Variants in DZIP3 observed in about 807,000 individuals in gnomAD.
DZIP3 encodes the protein DAZ interacting zinc finger protein 3.
In DZIP3, 118 loss-of-function variants were observed where a neutral mutation model predicts 162.0. That is an observed-to-expected ratio of 0.73 (90% CI 0.63 to 0.85). The LOEUF is 0.85. Ranked by LOEUF, DZIP3 falls within the 40% of genes least tolerant of loss-of-function variation. The pLI is 0.00. For synonymous variants in DZIP3, 438 were observed against 458.6 expected (o/e 0.96, Z 0.57); for missense variants, 1,331 against 1,407.0 (o/e 0.95, Z 0.86).
intron 1 of DZIP3, among the ~76,000 whole-genome samples, chr3:108,592,939 G>T (rs192565718): frequency 1.2e-4 from 19 of 152,142 alleles, no homozygotes; most frequent in Non-Finnish European, 8.8e-5. Flanking sequence ...CCAAAATATG[G>T]AAAATCATGT....
At chr3:108,654,808 G>C (rs1488060906) in intron 19 of DZIP3, among the ~76,000 whole-genome samples, 8 of 152,012 alleles carry the variant, frequency 5.3e-5, no homozygotes, top group African/African-American at 1.7e-4. Context: ...TATATGTGAA[G>C]AGGCATGTGA....
intron 6 of DZIP3, 121 bp from the exon 7 acceptor site, chr3:108,625,724 C>A (rs1576377260): frequency 2.1e-6 from 2 of 952,576 alleles, no homozygotes; most frequent in East Asian, 5.6e-5. Context: ...GAATAAATGA[C>A]CAGATGATTG....
intron 26 of DZIP3, among the ~76,000 whole-genome samples, chr3:108,681,132 A>C (rs1944289976): frequency 6.6e-6 from 1 of 152,232 alleles, no homozygotes; most frequent in African/African-American, 2.4e-5. Flanking sequence ...GCACAGCATC[A>C]GAGTGAACAG....
intron 5 of DZIP3, among the ~76,000 whole-genome samples, chr3:108,619,975 G>T (rs1941239753): frequency 6.6e-6 from 1 of 151,732 alleles, no homozygotes; most frequent in Non-Finnish European, 1.5e-5. Context: ...CCACCCTCAT[G>T]TTCAGAGATT....
At chr3:108,632,457 C>G (rs967445483) in intron 8 of DZIP3, among the ~76,000 whole-genome samples, 1 of 152,124 alleles carries the variant, frequency 6.6e-6, no homozygotes, top group Non-Finnish European at 1.5e-5. Flanking sequence ...TAACTAAAGA[C>G]ATTGAAAACA....
chr3:108,624,222 T>G (rs553477734), intron 5 of DZIP3, among the ~76,000 whole-genome samples: 1 of 152,338 alleles, frequency 6.6e-6, no homozygotes, highest in South Asian at 2.1e-4. Context: ...GATTAAATTT[T>G]AATGTTTTAT....
chr3:108,618,163 G>A (rs1206459540), intron 5 of DZIP3, among the ~76,000 whole-genome samples: 1 of 152,170 alleles, frequency 6.6e-6, no homozygotes, highest in East Asian at 1.9e-4. Flanking sequence ...TGCTGATGGG[G>A]AGAAGGTAGG....
At chr3:108,684,048 A>G (rs1408539226) in intron 26 of DZIP3, among the ~76,000 whole-genome samples, 168 bp from the exon 27 acceptor site, 1 of 91,000 alleles carries the variant, frequency 1.1e-5, no homozygotes, top group African/African-American at 3.2e-5. Context: ...TCCAATATTC[A>G]TATGTTTCAT....
intron 32 of DZIP3, among the ~76,000 whole-genome samples, chr3:108,692,680 ATTGT>A (rs944380344): frequency 6.6e-5 from 10 of 152,204 alleles, no homozygotes; most frequent in East Asian, 5.8e-4. Flanking sequence ...TTTAAGCTAG[ATTGT>A]TTGGTCCCAT....
At chr3:108,691,046 A>G (rs1944674195) in intron 32 of DZIP3, 143 bp downstream of exon 32, 1 of 623,878 alleles carries the variant, frequency 1.6e-6, no homozygotes, top group East Asian at 2.9e-5. Context: ...AGTCAGGACA[A>G]ATCTTCAGGA....
chr3:108,657,918 T>C (rs373991564), intron 19 of DZIP3, among the ~76,000 whole-genome samples: 39 of 152,142 alleles, frequency 2.6e-4, no homozygotes, highest in African/African-American at 8.9e-4. Context: ...GGTAAAGGGA[T>C]CAATTAAACA....
chr3:108,637,419 G>GT (rs1942206053), intron 11 of DZIP3, 77 bp from the exon 12 acceptor site: 1 of 1,312,718 alleles, frequency 7.6e-7, no homozygotes, highest in African/African-American at 1.5e-5. Context: ...TGTTTCAAAT[G>GT]TTAAGCTAAG....
At chr3:108,637,577 C>CT in intron 12 of DZIP3, 29 bp downstream of exon 12, 5 of 1,585,990 alleles carry the variant, frequency 3.2e-6, no homozygotes, top group Non-Finnish European at 4.3e-6. Flanking sequence ...ACTCTGTTAC[C>CT]TTTTTTGGAA....
chr3:108,675,218 G>A (rs1205966222), intron 24 of DZIP3, among the ~76,000 whole-genome samples: 1 of 151,888 alleles, frequency 6.6e-6, no homozygotes, highest in Non-Finnish European at 1.5e-5. Context: ...AAGTCATTTG[G>A]TAGGCATGAG....
At chr3:108,665,533 TGAGA>T (rs61167248) in intron 21 of DZIP3, among the ~76,000 whole-genome samples, 3 of 152,138 alleles carry the variant, frequency 2.0e-5, no homozygotes, top group Admixed American at 6.5e-5. Context: ...GAGAGCAGAA[TGAGA>T]GAGAGACTGA....
intron 1 of DZIP3, among the ~76,000 whole-genome samples, chr3:108,592,740 TTTTATGTTCAGTGAG>T (rs1460159273): frequency 2.3e-4 from 35 of 151,956 alleles, no homozygotes; most frequent in Admixed American, 9.2e-4. Context: ...TCAGGTTATA[TTTTATGTTCAGTGAG>T]ATTTTATATA....
intron 18 of DZIP3, 47 bp from the exon 19 acceptor site, chr3:108,654,098 T>C: frequency 6.3e-7 from 1 of 1,586,246 alleles, no homozygotes; most frequent in Non-Finnish European, 8.6e-7. Flanking sequence ...TAGATGAAAA[T>C]TACTATACAA....
chr3:108,676,527 G>C (rs1421835070), intron 25 of DZIP3, among the ~76,000 whole-genome samples: 1 of 151,788 alleles, frequency 6.6e-6, no homozygotes, highest in African/African-American at 2.4e-5. Flanking sequence ...TTTATTAATT[G>C]ATTTTGTTTT....
At chr3:108,628,362 A>G (rs1941681314) in intron 7 of DZIP3, among the ~76,000 whole-genome samples, 1 of 152,180 alleles carries the variant, frequency 6.6e-6, no homozygotes, top group African/African-American at 2.4e-5. Context: ...TCACCTAAAT[A>G]TCCCCATTTT....
Sources: allele counts gnomAD v4.1 joint callset (sites outside exome capture counted in the v4.1 genomes callset), GRCh38; gene constraint gnomAD v4.1.1; transcripts MANE v1.5; gene names NCBI Gene and HGNC (gene_info 2026-07-23, HGNC 2026-07-21).